NAALADL2: variants seen among roughly 807,000 people sequenced by gnomAD.
The protein encoded by NAALADL2 is N-acetylated alpha-linked acidic dipeptidase like 2.
NAALADL2 carries 76 observed loss-of-function variants against 87.2 expected under a neutral mutation model. That is an observed-to-expected ratio of 0.87 (90% confidence interval 0.72 to 1.05). The LOEUF is 1.05. Among genes scored for constraint, NAALADL2 ranks in the 50% least tolerant of loss-of-function variants. NAALADL2 has a pLI of 0.00. For synonymous variants in NAALADL2, 354 were observed against 331.0 expected (o/e 1.07, Z -0.75); for missense variants, 1,089 against 945.8 (o/e 1.15, Z -1.99).
At chr3:175,672,650 A>G (rs1008040019) in intron 11 of NAALADL2, among the ~76,000 whole-genome samples, 2 of 152,194 alleles carry the variant, frequency 1.3e-5, no homozygotes, top group Non-Finnish European at 2.9e-5. Context: ...ACTGAAACTA[A>G]AAGAGTAGGA....
At chr3:174,793,262 G>T (rs530321490) in intron 3 of NAALADL2, among the ~76,000 whole-genome samples, 1 of 151,610 alleles carries the variant, frequency 6.6e-6, no homozygotes, top group African/African-American at 2.4e-5. Context: ...TCTCTATTGG[G>T]GTTCATATAT....
chr3:174,679,474 A>C (rs1642656954), intron 2 of NAALADL2, among the ~76,000 whole-genome samples: 1 of 152,184 alleles, frequency 6.6e-6, no homozygotes, highest in South Asian at 2.1e-4. Flanking sequence ...TTCCATGTCT[A>C]ATGACTCCAA....
chr3:174,611,295 C>A (rs1000277031), intron 2 of NAALADL2, among the ~76,000 whole-genome samples: 11 of 151,440 alleles, frequency 7.3e-5, no homozygotes, highest in East Asian at 1.9e-4. Flanking sequence ...TGCACATGTA[C>A]CCTAAAACTT....
At chr3:174,875,191 G>A (rs1728351149) in intron 1 of NAALADL2, among the ~76,000 whole-genome samples, 2 of 142,554 alleles carry the variant, frequency 1.4e-5, no homozygotes, top group African/African-American at 2.6e-5. Flanking sequence ...CCAATTTAAC[G>A]AACACATTTA....
In NAALADL2 at chr3:174,669,423, A is replaced by T. The variant is rs115596611; in HGVS notation, c.-114-68218A>T. 3.4e-3 allele frequency among the ~76,000 whole-genome samples: 522 copies of T among 152,108 alleles called. 3 individuals carry two copies. The highest frequency in any genetic ancestry group is 0.012 in the African/African-American group (489 of 41,512). Reference sequence around the variant, plus strand: ...ATTTAGAGTCCAATTTTTTTATATGATATCATGTAAGGGTCAACTTCATTC... The same window carrying T: ...ATTTAGAGTCCAATTTTTTTATATGTTATCATGTAAGGGTCAACTTCATTC... On this transcript the variant is annotated intron_variant, in intron 2 of 3. Transcript: ENST00000434257.
intron 9 of NAALADL2, among the ~76,000 whole-genome samples, chr3:175,518,549 G>A (rs1439324329): frequency 6.6e-6 from 1 of 152,222 alleles, no homozygotes; most frequent in Admixed American, 6.5e-5. Flanking sequence ...GCTGGAGGCT[G>A]AGAAGTCCAA....
At chr3:174,693,786 C>T (rs1048848084) in intron 2 of NAALADL2, among the ~76,000 whole-genome samples, 2 of 152,048 alleles carry the variant, frequency 1.3e-5, no homozygotes, top group Non-Finnish European at 2.9e-5. Flanking sequence ...ATGACATTTG[C>T]GTGGTTTATA....
intron 2 of NAALADL2, among the ~76,000 whole-genome samples, chr3:174,573,641 T>C (rs565158661): frequency 6.6e-6 from 1 of 151,952 alleles, no homozygotes; most frequent in Non-Finnish European, 1.5e-5. Context: ...AAGAGCAGGT[T>C]TGTGCAGAGA....
At position 175,562,791 on chromosome 3, in the gene NAALADL2, A is replaced by T. The variant is rs199683457; in HGVS notation, c.1654-13250A>T. On this transcript the variant is annotated intron_variant, in intron 9 of 13. Coordinates refer to ENST00000454872, the MANE Select transcript of NAALADL2 (RefSeq NM_207015.3). The stretch of plus-strand genomic sequence containing the variant: ...TCTTTTACTCAGCCTAAACCCAATT[A>T]AAAAAAGTCTTCTCTATTCTTATAT... 2.3e-3 allele frequency among the ~76,000 whole-genome samples: 58 copies of T among 24,954 alleles called. No individual in the cohort carries two copies. The East Asian group carries it at 0.18, about 77-fold the overall frequency. 16.4% of individuals were successfully genotyped at this position (24,954 alleles called of 152,430 possible). A position where few individuals can be genotyped will look rare whatever the true frequency, so the allele number is the denominator to read the frequency against.
chr3:174,618,835 T>G (rs908672608), intron 2 of NAALADL2, among the ~76,000 whole-genome samples: 1 of 151,924 alleles, frequency 6.6e-6, no homozygotes, highest in Middle Eastern at 3.2e-3. Flanking sequence ...AAGAAAAGTA[T>G]ACATTATCTT....
At chr3:175,281,735 T>C (rs1344269996) in intron 4 of NAALADL2, among the ~76,000 whole-genome samples, 1 of 151,966 alleles carries the variant, frequency 6.6e-6, no homozygotes, top group Non-Finnish European at 1.5e-5. Flanking sequence ...TGTGAATATT[T>C]CAATATTGTT....
At chr3:175,174,843 GAC>G (rs139298739) in intron 2 of NAALADL2, among the ~76,000 whole-genome samples, 2,132 of 150,640 alleles carry the variant, frequency 0.014, 44 homozygotes, top group African/African-American at 0.049. Context: ...CATGCACACA[GAC>G]ACACACACAC....
intron 9 of NAALADL2, among the ~76,000 whole-genome samples, chr3:175,489,232 T>A (rs767461140): frequency 6.6e-6 from 1 of 152,104 alleles, no homozygotes; most frequent in Non-Finnish European, 1.5e-5. Flanking sequence ...TTAAAAAAAA[T>A]TCACACCTAT....
At chr3:174,914,889 T>C (rs1174468180) in intron 1 of NAALADL2, among the ~76,000 whole-genome samples, 3 of 152,178 alleles carry the variant, frequency 2.0e-5, no homozygotes, top group Non-Finnish European at 1.5e-5. Context: ...GTACATCTAA[T>C]ACAATCTTAG....
At chr3:175,431,209 C>T (rs1717699442) in intron 5 of NAALADL2, among the ~76,000 whole-genome samples, 1 of 152,002 alleles carries the variant, frequency 6.6e-6, no homozygotes, top group South Asian at 2.1e-4. Context: ...AAAGCCTGTC[C>T]TATGATCTGT....
chr3:175,249,251 A>G (rs1487395041), intron 3 of NAALADL2, among the ~76,000 whole-genome samples: 1 of 152,086 alleles, frequency 6.6e-6, no homozygotes, highest in East Asian at 1.9e-4. Context: ...TTATTACCTG[A>G]AAAAAGTATT....
chr3:175,085,343 C>T (rs776365848), intron 1 of NAALADL2, among the ~76,000 whole-genome samples: 13 of 152,210 alleles, frequency 8.5e-5, no homozygotes, highest in Admixed American at 1.3e-4. Flanking sequence ...TACTCTTTAC[C>T]GTAGTGAAAC....
chr3:175,116,352 A>C (rs577466289), intron 2 of NAALADL2, among the ~76,000 whole-genome samples: 2 of 152,120 alleles, frequency 1.3e-5, no homozygotes, highest in African/African-American at 4.8e-5. Context: ...TTAGCCCAAA[A>C]TTTCCTTATG....
chr3:175,215,718 T>A (rs913326154), intron 2 of NAALADL2, among the ~76,000 whole-genome samples: 49 of 152,300 alleles, frequency 3.2e-4, no homozygotes, highest in African/African-American at 1.1e-3. Context: ...ATTAATGAAT[T>A]CAGTTCTTAA....
Sources: gnomAD v4.1 joint callset for allele counts (sites outside exome capture counted in the v4.1 genomes callset) on GRCh38, gnomAD v4.1.1 for gene constraint, MANE v1.5 for transcripts, NCBI Gene and HGNC (gene_info 2026-07-23, HGNC 2026-07-21) for gene names.